Variants in CDH12 observed in about 807,000 individuals in gnomAD.
CDH12 encodes the protein cadherin-12.
CDH12 carries 41 observed loss-of-function variants against 74.1 expected under a neutral mutation model. That is an observed-to-expected ratio of 0.55 (90% CI 0.43 to 0.72). The LOEUF is 0.72. Ranked by LOEUF, CDH12 falls within the 30% of genes least tolerant of loss-of-function variation. The pLI, the probability that CDH12 is intolerant of heterozygous loss-of-function variation, is 0.00. For missense variants in CDH12, 945 were observed against 977.2 expected, an observed-to-expected ratio of 0.97 and a Z score of 0.44; for synonymous variants, 399 against 355.0, an observed-to-expected ratio of 1.12 and a Z score of -1.39.
At chr5:22,850,842 A>G (rs1737518678) in intron 1 of CDH12, among the ~76,000 whole-genome samples, 1 of 152,056 alleles carries the variant, frequency 6.6e-6, no homozygotes, top group Admixed American at 6.6e-5. Context: ...GACAGCCATC[A>G]CTCTATGAAT....
intron 6 of CDH12, among the ~76,000 whole-genome samples, chr5:21,926,966 A>AT (rs1754610592): frequency 6.6e-6 from 1 of 152,140 alleles, no homozygotes; most frequent in South Asian, 2.1e-4. Context: ...CGTTTTTAAG[A>AT]TTTTCTAGGC....
chr5:22,325,546 T>C lies in CDH12; in HGVS notation c.-333+79711A>G, dbSNP rs1172040167. Reference sequence around the variant, plus strand: ...AGATCCACAGTTTAGAAAGTAGAACTTCATTCACCACTCTGAATCATTTCT... The same window carrying C: ...AGATCCACAGTTTAGAAAGTAGAACCTCATTCACCACTCTGAATCATTTCT... On this transcript the variant is annotated intron_variant, in intron 3 of 14. Transcript: ENST00000382254. Among the ~76,000 whole-genome samples, 4 of 146,352 alleles carry C rather than the reference T, an allele frequency of 2.7e-5. No homozygotes were observed. In the East Asian group the frequency reaches 8.1e-4, roughly 30 times the overall value.
chr5:21,936,142 A>G (rs1304429069), intron 6 of CDH12, among the ~76,000 whole-genome samples: 1 of 151,968 alleles, frequency 6.6e-6, no homozygotes. Flanking sequence ...TGATAGCTCA[A>G]TTTTTGCTTT....
intron 1 of CDH12, among the ~76,000 whole-genome samples, chr5:22,575,211 TACAG>T (rs922703669): frequency 4.6e-5 from 7 of 152,284 alleles, no homozygotes; most frequent in African/African-American, 1.2e-4. Flanking sequence ...AAGCATTTGA[TACAG>T]ACACTTTTTT....
intron 5 of CDH12, among the ~76,000 whole-genome samples, chr5:22,064,086 A>G (rs1226289166): frequency 6.6e-6 from 1 of 152,028 alleles, no homozygotes; most frequent in African/African-American, 2.4e-5. Flanking sequence ...GTCCACTTAT[A>G]TGTGGAAATG....
chr5:21,946,207 C>T (rs1358846025), intron 6 of CDH12, among the ~76,000 whole-genome samples: 2 of 151,928 alleles, frequency 1.3e-5, no homozygotes, highest in East Asian at 1.9e-4. Context: ...AAAACATTGT[C>T]TAATGAAAGA....
intron 1 of CDH12, among the ~76,000 whole-genome samples, chr5:22,773,746 C>A (rs536693289): frequency 5.9e-5 from 9 of 151,926 alleles, no homozygotes; most frequent in Non-Finnish European, 1.2e-4. Context: ...ACTGTGCACA[C>A]AACAAAGGTC....
chr5:21,786,858 C>T (rs1362254553), intron 10 of CDH12, among the ~76,000 whole-genome samples: 1 of 152,058 alleles, frequency 6.6e-6, no homozygotes, highest in Non-Finnish European at 1.5e-5. Context: ...TATTCCAAGC[C>T]TCATGGATGA....
In CDH12 at chr5:22,003,824, C is replaced by CAAAAAA. The variant is rs775995801; in HGVS notation, c.232-28445_232-28440dup. Among the ~76,000 whole-genome samples, 43 of 47,328 alleles carry CAAAAAA rather than the reference C, an allele frequency of 9.1e-4. 1 individual carries two copies. Among genetic ancestry groups the CAAAAAA allele is most frequent in the African/African-American group, 2.8e-3 (36 of 13,068 alleles). The allele number at this position is 47,328 out of a possible 152,430, so 31.0% of individuals were successfully genotyped here. On this transcript the variant is annotated intron_variant, in intron 5 of 14. Transcript: ENST00000382254. Reference sequence around the variant, plus strand: ...AATGATCAGCAGGCCCCCGCTTCCACAAAAAAAAAAAAAAAAAAAAAAAAG... The same window carrying CAAAAAA: ...AATGATCAGCAGGCCCCCGCTTCCACAAAAAAAAAAAAAAAAAAAAAAAAAAAAAAG...
At position 21,995,258 on chromosome 5, in the gene CDH12, C is replaced by G. The variant is rs184007708; in HGVS notation, c.232-19873G>C. Among the ~76,000 whole-genome samples the G allele has an allele frequency of 5.3e-5, 8 of 151,580 alleles. No homozygotes were observed. In the East Asian group the frequency reaches 1.4e-3, roughly 26 times the overall value. On this transcript the variant is annotated intron_variant, in intron 5 of 14. Coordinates refer to ENST00000382254, the MANE Select transcript of CDH12 (RefSeq NM_004061.5). ...GACACAAAATGTCAGCCAATCCAAACTTATGAAGGAGGGAAGTCTGGGCTG... is the reference window on the plus strand; with the variant it reads ...GACACAAAATGTCAGCCAATCCAAAGTTATGAAGGAGGGAAGTCTGGGCTG...
intron 5 of CDH12, among the ~76,000 whole-genome samples, chr5:22,027,264 T>C (rs1038948292): frequency 6.6e-6 from 1 of 152,124 alleles, no homozygotes; most frequent in African/African-American, 2.4e-5. Context: ...AGGATATTGG[T>C]CTAAAATTCT....
rs527780312 is a variant in CDH12, at chr5:22,484,843, T to C, written c.-428+20427A>G. Reference sequence around the variant, plus strand: ...ATTTCTCCTATTTTGATTTATGTAATAACAGGATTACATAATAATATAGTA... The same window carrying C: ...ATTTCTCCTATTTTGATTTATGTAACAACAGGATTACATAATAATATAGTA... On this transcript the variant is annotated intron_variant, in intron 2 of 14. Transcript: ENST00000382254. 2.0e-5 allele frequency among the ~76,000 whole-genome samples: 3 copies of C among 152,132 alleles called. 1 individual carries two copies. In the South Asian group the frequency reaches 6.2e-4, roughly 32 times the overall value.
At chr5:22,751,972 G>A (rs935460323) in intron 1 of CDH12, among the ~76,000 whole-genome samples, 13 of 151,732 alleles carry the variant, frequency 8.6e-5, no homozygotes, top group African/African-American at 2.4e-4. Context: ...TTTTTGAAGA[G>A]TGATCAGCTA....
At chr5:21,773,675 C>T (rs1432363776) in intron 11 of CDH12, among the ~76,000 whole-genome samples, 1 of 152,034 alleles carries the variant, frequency 6.6e-6, no homozygotes, top group East Asian at 1.9e-4. Flanking sequence ...CCTTGTGATC[C>T]TGTGAATCAA....
At chr5:22,399,094 G>A (rs1016418387) in intron 3 of CDH12, among the ~76,000 whole-genome samples, 7 of 152,040 alleles carry the variant, frequency 4.6e-5, no homozygotes, top group African/African-American at 1.7e-4. Context: ...TTGTGTGTAT[G>A]TGTGTATCTA....
chr5:22,090,891 T>TA (rs1220100832), intron 4 of CDH12, among the ~76,000 whole-genome samples: 5 of 151,848 alleles, frequency 3.3e-5, no homozygotes, highest in Non-Finnish European at 5.9e-5. Context: ...GTTTTATTGA[T>TA]AAAAACAATC....
intron 1 of CDH12, among the ~76,000 whole-genome samples, chr5:22,627,409 A>G (rs756273032): frequency 2.0e-5 from 3 of 151,626 alleles, no homozygotes; most frequent in Non-Finnish European, 4.4e-5. Flanking sequence ...AAATCTTACA[A>G]TCCAGGAGGG....
rs185772458 is a variant in CDH12 at position 22,281,616 on chromosome 5, A to T, written c.-332-68973T>A. Among the ~76,000 whole-genome samples, 71 of 152,308 alleles carry T rather than the reference A, an allele frequency of 4.7e-4. No homozygotes were observed. In the East Asian group the frequency reaches 0.013, roughly 27 times the overall value. On this transcript the variant is annotated intron_variant, in intron 3 of 14. Transcript: ENST00000382254. ...AGAGCCAAATCATGAGTGAACTCCC[A>T]TTTACAATTGCTACAAAGAGAATAA...
chr5:22,292,358 T>C (rs1222551453), intron 3 of CDH12, among the ~76,000 whole-genome samples: 2 of 79,412 alleles, frequency 2.5e-5, no homozygotes. Flanking sequence ...TTTTTTTTTT[T>C]TGCTTATGGC....
Sources: allele counts gnomAD v4.1 joint callset (sites outside exome capture counted in the v4.1 genomes callset), GRCh38; gene constraint gnomAD v4.1.1; transcripts MANE v1.5; gene names NCBI Gene and HGNC (gene_info 2026-07-23, HGNC 2026-07-21).